Variants in RAD54B observed in about 807,000 individuals in gnomAD.
RAD54B encodes the protein RAD54 homolog B.
RAD54B carries 78 observed loss-of-function variants against 95.8 expected under a neutral mutation model. That is an observed-to-expected ratio of 0.81 (90% CI 0.68 to 0.98). The LOEUF (loss-of-function observed/expected upper bound fraction) is 0.98, where lower values mean the gene tolerates loss of function less well. Ranked by LOEUF, RAD54B falls within the 50% of genes least tolerant of loss-of-function variation. RAD54B has a pLI of 0.00. For missense variants in RAD54B, 957 were observed against 1,056.6 expected, an observed-to-expected ratio of 0.91 and a Z score of 1.31; for synonymous variants, 328 against 354.9, an observed-to-expected ratio of 0.92 and a Z score of 0.85.
At chr8:94,395,702 G>A (rs1214188202) in intron 8 of RAD54B, among the ~76,000 whole-genome samples, 2 of 152,110 alleles carry the variant, frequency 1.3e-5, no homozygotes, top group Non-Finnish European at 2.9e-5. Flanking sequence ...GGGCTTTGAG[G>A]AAAGTCCCTC....
At chr8:94,377,534 A>C in intron 14 of RAD54B, among the ~76,000 whole-genome samples, 2 of 114,412 alleles carry the variant, frequency 1.7e-5, no homozygotes, top group Admixed American at 1.0e-4. Context: ...ACAGAGCCAG[A>C]CCCTGTCTTG....
intron 3 of RAD54B, among the ~76,000 whole-genome samples, chr8:94,414,728 A>C (rs1563647909): frequency 1.3e-5 from 2 of 152,192 alleles, no homozygotes; most frequent in Non-Finnish European, 1.5e-5. Context: ...AATAACAGAC[A>C]AACAGAGAGC....
At chr8:94,456,885 G>C (rs1175225908) in intron 3 of RAD54B, among the ~76,000 whole-genome samples, 1 of 152,132 alleles carries the variant, frequency 6.6e-6, no homozygotes, top group East Asian at 1.9e-4. Context: ...AAACAGGAGG[G>C]TATCAGGAGG....
chr8:94,440,936 G>A (rs1033057166), intron 3 of RAD54B, among the ~76,000 whole-genome samples: 3 of 152,170 alleles, frequency 2.0e-5, no homozygotes, highest in Admixed American at 6.5e-5. Flanking sequence ...CAGGCAGCCC[G>A]GCGCCAGGTC....
At chr8:94,429,021 G>A (rs1812015846) in intron 3 of RAD54B, 1 of 983,520 alleles carries the variant, frequency 1.0e-6, no homozygotes. Flanking sequence ...GGTAGACAAT[G>A]AGGAGAATTA....
chr8:94,412,774 A>C (rs1341123710), intron 3 of RAD54B, among the ~76,000 whole-genome samples: 1 of 152,214 alleles, frequency 6.6e-6, no homozygotes, highest in Non-Finnish European at 1.5e-5. Flanking sequence ...TCAGAAAGGA[A>C]GAAATAAAAC....
chr8:94,436,182 A>G (rs1005727680), intron 3 of RAD54B, among the ~76,000 whole-genome samples: 1 of 152,152 alleles, frequency 6.6e-6, no homozygotes, highest in African/African-American at 2.4e-5. Context: ...AGCAAACTAA[A>G]TAATTTAATT....
intron 14 of RAD54B, chr8:94,373,002 A>T (rs1380325022): frequency 6.6e-6 from 1 of 152,270 alleles, no homozygotes; most frequent in African/African-American, 2.4e-5. Context: ...GATACAGGGA[A>T]CTATCTTACA....
chr8:94,452,396 C>T (rs1259709849), intron 3 of RAD54B, among the ~76,000 whole-genome samples: 1 of 152,212 alleles, frequency 6.6e-6, no homozygotes, highest in Non-Finnish European at 1.5e-5. Context: ...TGATGGAGCA[C>T]CATGTCAGTA....
chr8:94,464,911 G>C (rs542806513), intron 2 of RAD54B, among the ~76,000 whole-genome samples: 40 of 152,096 alleles, frequency 2.6e-4, no homozygotes, highest in South Asian at 1.0e-3. Context: ...AAAGAGGGAG[G>C]GGGGAGATGC....
intron 3 of RAD54B, among the ~76,000 whole-genome samples, chr8:94,454,946 C>T (rs186905142): frequency 6.6e-6 from 1 of 152,256 alleles, no homozygotes; most frequent in East Asian, 1.9e-4. Flanking sequence ...TTTTATCACT[C>T]CCCTGTTATA....
At chr8:94,373,745 A>G (rs893366181) in intron 14 of RAD54B, among the ~76,000 whole-genome samples, 1 of 152,240 alleles carries the variant, frequency 6.6e-6, no homozygotes, top group Non-Finnish European at 1.5e-5. Flanking sequence ...TTTAGTATCT[A>G]TCCTAAGAGC....
intron 3 of RAD54B, among the ~76,000 whole-genome samples, chr8:94,414,908 G>A (rs1312200425): frequency 6.6e-6 from 1 of 152,154 alleles, no homozygotes; most frequent in Non-Finnish European, 1.5e-5. Context: ...TCATGGGTAG[G>A]AAGAATCAAT....
Position 94,372,177 on chromosome 8 carries a change from C to A in RAD54B, c.2726G>T (p.Gly909Val). The A allele has an allele frequency of 6.2e-7, 1 of 1,602,928 alleles. No homozygotes were observed. Reference sequence around the variant, plus strand: ...GTCAGAAGTAATCTTTCACTATGTGCCAGTAGCTTGAGTGGTTATATTCTG... The same window carrying A: ...GTCAGAAGTAATCTTTCACTATGTGACAGTAGCTTGAGTGGTTATATTCTG... Reference protein sequence around the residue: ...IFQNITTQATGT With the variant: ...IFQNITTQATVT Residue 909 changes from glycine (G) to valine (V), a missense_variant, in exon 15 of 15, where the codon GGC (glycine) becomes GTC (valine). Gly to Val is a moderately radical substitution (Grantham distance 109). Transcript: ENST00000336148.
intron 10 of RAD54B, among the ~76,000 whole-genome samples, chr8:94,389,213 G>C (rs921690592): frequency 6.6e-6 from 1 of 152,132 alleles, no homozygotes; most frequent in Admixed American, 6.5e-5. Flanking sequence ...CCTCAGCCTC[G>C]CAAAGTGCTG....
At chr8:94,463,894 A>C (rs1250701928) in intron 2 of RAD54B, among the ~76,000 whole-genome samples, 5 of 43,148 alleles carry the variant, frequency 1.2e-4, no homozygotes, top group African/African-American at 5.6e-4. Context: ...ACCCTATCTC[A>C]AAAAAAAAAA....
intron 3 of RAD54B, chr8:94,431,242 A>G (rs1812085393): frequency 1.0e-6 from 1 of 963,234 alleles, no homozygotes; most frequent in Admixed American, 6.2e-5. Flanking sequence ...TTACTGTGAA[A>G]GAAATTTTTT....
chr8:94,413,113 C>T (rs1354062690), intron 3 of RAD54B, among the ~76,000 whole-genome samples: 1 of 152,066 alleles, frequency 6.6e-6, no homozygotes, highest in African/African-American at 2.4e-5. Context: ...TTGGAACATT[C>T]AATTTTGTTA....
intron 3 of RAD54B, among the ~76,000 whole-genome samples, chr8:94,444,497 A>T (rs2130142797): frequency 6.6e-6 from 1 of 152,284 alleles, no homozygotes; most frequent in Non-Finnish European, 1.5e-5. Flanking sequence ...AATAAGGTGG[A>T]TCTACGTGTT....
Sources: gnomAD v4.1 joint callset for allele counts (sites outside exome capture counted in the v4.1 genomes callset) on GRCh38, gnomAD v4.1.1 for gene constraint, MANE v1.5 for transcripts, NCBI Gene and HGNC (gene_info 2026-07-23, HGNC 2026-07-21) for gene names.